THADA: variants seen among roughly 807,000 people sequenced by gnomAD.
The protein encoded by THADA is tRNA (32-2'-O)-methyltransferase regulator THADA.
In THADA, 213 loss-of-function variants were observed where a neutral mutation model predicts 219.8. That is an observed-to-expected ratio of 0.97 (90% CI 0.87 to 1.09). The LOEUF is 1.09. Ranked by LOEUF, THADA falls within the 50% of genes least tolerant of loss-of-function variation. The pLI, the probability that THADA is intolerant of heterozygous loss-of-function variation, is 0.00. For missense variants in THADA, 2,956 were observed against 2,311.3 expected (o/e 1.28, Z -5.72); for synonymous variants, 1,018 against 828.9 (o/e 1.23, Z -3.92).
chr2:43,585,462 G>A (rs1347323007), intron 7 of THADA, among the ~76,000 whole-genome samples: 2 of 151,590 alleles, frequency 1.3e-5, no homozygotes, highest in Admixed American at 6.6e-5. Context: ...GAGGTGCAGT[G>A]AGCCAAGATT....
chr2:43,248,700 C>T (rs1024836507), intron 36 of THADA, among the ~76,000 whole-genome samples: 6 of 152,030 alleles, frequency 3.9e-5, no homozygotes, highest in Non-Finnish European at 5.9e-5. Flanking sequence ...ACATGGAATC[C>T]GTTTTGAAAG....
At chr2:43,554,314 T>G (rs57477603) in intron 17 of THADA, among the ~76,000 whole-genome samples, 49,684 of 152,086 alleles carry the variant, frequency 0.33, 8,460 homozygotes, top group South Asian at 0.41. Context: ...TCTAATTTCA[T>G]TCTCTTGCAT....
intron 25 of THADA, among the ~76,000 whole-genome samples, chr2:43,495,633 A>T (rs1310864160): frequency 6.6e-6 from 1 of 152,180 alleles, no homozygotes; most frequent in Non-Finnish European, 1.5e-5. Flanking sequence ...CAAAAAAAAA[A>T]TGAATCACTC....
rs115623975 is a variant in THADA, at chr2:43,285,306, G to A, written c.5164+1602C>T. The stretch of plus-strand genomic sequence containing the variant: ...AGGCGGGGCCTGGTGGGAGGTGATT[G>A]GATCATGTAGGCAGATTTCCCCCTT... On this transcript the variant is annotated intron_variant, in intron 35 of 37. Transcript: ENST00000405975. Among the ~76,000 whole-genome samples the A allele has an allele frequency of 5.5e-3, 837 of 152,274 alleles. 6 individuals carry two copies. Among genetic ancestry groups the A allele is most frequent in the African/African-American group, 0.019 (783 of 41,544 alleles).
chr2:43,501,392 C>T (rs1309361992), intron 24 of THADA, among the ~76,000 whole-genome samples: 4 of 138,794 alleles, frequency 2.9e-5, no homozygotes, highest in Admixed American at 7.3e-5. Flanking sequence ...ATTAAATGAT[C>T]TGAATAAATG....
At chr2:43,570,723 T>C (rs1003023772) in intron 13 of THADA, among the ~76,000 whole-genome samples, 2 of 152,214 alleles carry the variant, frequency 1.3e-5, no homozygotes, top group Non-Finnish European at 2.9e-5. Context: ...TAAACCACAA[T>C]TCTGTTTCCT....
chr2:43,569,789 G>C (rs1049479100), intron 14 of THADA, among the ~76,000 whole-genome samples: 3 of 152,144 alleles, frequency 2.0e-5, no homozygotes, highest in Admixed American at 1.3e-4. Flanking sequence ...AGATTTGGGG[G>C]AAGAACAGTG....
intron 36 of THADA, among the ~76,000 whole-genome samples, chr2:43,236,785 G>A (rs1451199889): frequency 1.3e-5 from 2 of 152,060 alleles, no homozygotes; most frequent in African/African-American, 2.4e-5. Context: ...GCGTGGGCCG[G>A]GCACGGTGGC....
At chr2:43,438,434 A>G (rs1455939838) in intron 26 of THADA, among the ~76,000 whole-genome samples, 1 of 152,178 alleles carries the variant, frequency 6.6e-6, no homozygotes, top group Non-Finnish European at 1.5e-5. Flanking sequence ...AAATTACTAC[A>G]GTTCTGAAAA....
intron 29 of THADA, among the ~76,000 whole-genome samples, chr2:43,359,734 G>T (rs1332721100): frequency 1.3e-5 from 2 of 151,724 alleles, no homozygotes; most frequent in Non-Finnish European, 2.9e-5. Context: ...CATTTTCTTG[G>T]CTGATCTGAC....
chr2:43,447,600 T>A (rs1681741704), intron 26 of THADA, among the ~76,000 whole-genome samples: 1 of 152,194 alleles, frequency 6.6e-6, no homozygotes, highest in Non-Finnish European at 1.5e-5. Context: ...AAACTGATTA[T>A]AGGAATTGGA....
At position 43,514,700 on chromosome 2, in the gene THADA, T is replaced by C. The variant is rs1300130665; in HGVS notation, c.3375-5920A>G. 6.1e-5 allele frequency among the ~76,000 whole-genome samples: 5 copies of C among 81,632 alleles called. 1 individual carries two copies. Among genetic ancestry groups the C allele is most frequent in the Admixed American group, 4.0e-4 (2 of 4,950 alleles). The allele number at this position is 81,632 out of a possible 152,430, so 53.6% of individuals were successfully genotyped here. ...TATATTATATTATATATAATATATA[T>C]AATATATATATAAATATATATTATA... On this transcript the variant is annotated intron_variant, in intron 22 of 37. Transcript: ENST00000405975.
chr2:43,419,647 T>C (rs772289953), intron 28 of THADA, among the ~76,000 whole-genome samples: 1 of 152,350 alleles, frequency 6.6e-6, no homozygotes, highest in African/African-American at 2.4e-5. Flanking sequence ...GATGACTGCC[T>C]ATCAGTCAGC....
At chr2:43,347,358 T>A (rs527508691) in intron 29 of THADA, among the ~76,000 whole-genome samples, 92 of 152,330 alleles carry the variant, frequency 6.0e-4, no homozygotes, top group Non-Finnish European at 8.8e-4. Flanking sequence ...CTGCTCCCTC[T>A]CTTCCAGCCC....
chr2:43,590,692 A>T, intron 4 of THADA, 132 bp downstream of exon 4: 1 of 854,496 alleles, frequency 1.2e-6, no homozygotes, highest in South Asian at 2.0e-5. Context: ...AATGAAACAG[A>T]GAACAAACCA....
intron 26 of THADA, among the ~76,000 whole-genome samples, chr2:43,477,316 C>G (rs1296139735): frequency 6.6e-6 from 1 of 152,110 alleles, no homozygotes; most frequent in African/African-American, 2.4e-5. Context: ...AATGCTCATA[C>G]TGCATGCTAT....
At chr2:43,428,373 C>T (rs564843796) in intron 27 of THADA, 142 bp from the exon 28 acceptor site, 22 of 725,654 alleles carry the variant, frequency 3.0e-5, no homozygotes, top group South Asian at 2.5e-4. Flanking sequence ...TTTGGGAGGC[C>T]GAGGCGGATG....
chr2:43,456,453 A>G (rs1158038116), intron 26 of THADA, among the ~76,000 whole-genome samples: 1 of 152,214 alleles, frequency 6.6e-6, no homozygotes. Context: ...GTAGAGAAAG[A>G]GCAAAGGTCT....
chr2:43,469,259 G>C (rs1684633198), intron 26 of THADA, among the ~76,000 whole-genome samples: 1 of 152,202 alleles, frequency 6.6e-6, no homozygotes, highest in Non-Finnish European at 1.5e-5. Flanking sequence ...AGATTGGCTT[G>C]ATTAGAGTGT....
Sources: allele counts gnomAD v4.1 joint callset (sites outside exome capture counted in the v4.1 genomes callset), GRCh38; gene constraint gnomAD v4.1.1; transcripts MANE v1.5; gene names NCBI Gene and HGNC (gene_info 2026-07-23, HGNC 2026-07-21).